The following ARHGAP5 variants were observed in gnomAD, a reference collection of about 807,000 sequenced individuals.
ARHGAP5 encodes Rho GTPase activating protein 5.
Under a neutral mutation model 116.6 loss-of-function variants are expected in ARHGAP5, and 23 were observed. That is an observed-to-expected ratio of 0.20 (90% CI 0.14 to 0.28). ARHGAP5 has a LOEUF of 0.28. ARHGAP5 is among the 10% of genes least tolerant of loss of function. The pLI is 1.00. For missense variants in ARHGAP5, 1,405 were observed against 1,774.8 expected (o/e 0.79, Z 3.74); for synonymous variants, 574 against 602.0 (o/e 0.95, Z 0.68).
intron 2 of ARHGAP5, among the ~76,000 whole-genome samples, chr14:32,110,608 G>A (rs1053272872): frequency 7.9e-5 from 12 of 152,114 alleles, no homozygotes; most frequent in African/African-American, 2.4e-4. Context: ...GTAAAGGAGC[G>A]GAGTCCAAGG....
At chr14:32,131,144 C>G (rs1880464214) in intron 3 of ARHGAP5, among the ~76,000 whole-genome samples, 1 of 151,888 alleles carries the variant, frequency 6.6e-6, no homozygotes, top group African/African-American at 2.4e-5. Context: ...AATATAATGT[C>G]TGTAATCAAA....
At chr14:32,098,322 T>C (rs1446563236) in intron 2 of ARHGAP5, among the ~76,000 whole-genome samples, 1 of 152,308 alleles carries the variant, frequency 6.6e-6, no homozygotes, top group Non-Finnish European at 1.5e-5. Context: ...CTCTCAAACA[T>C]GTTAGCCACA....
intron 3 of ARHGAP5, among the ~76,000 whole-genome samples, chr14:32,136,202 A>G (rs1388959182): frequency 1.3e-5 from 2 of 152,204 alleles, no homozygotes; most frequent in African/African-American, 4.8e-5. Flanking sequence ...TATATTCACA[A>G]TGTTGTGCAA....
chr14:32,101,873 C>T (rs953367499), intron 2 of ARHGAP5, among the ~76,000 whole-genome samples: 4 of 152,032 alleles, frequency 2.6e-5, no homozygotes, highest in African/African-American at 9.7e-5. Flanking sequence ...ATCCCAGCTA[C>T]TTGGGAGGCT....
chr14:32,116,904 T>C (rs983512095), intron 2 of ARHGAP5, among the ~76,000 whole-genome samples: 15 of 152,216 alleles, frequency 9.9e-5, no homozygotes, highest in African/African-American at 3.6e-4. Context: ...ATCAAGTCTG[T>C]TATTTTCCAA....
chr14:32,109,964 A>G (rs1048389631), intron 2 of ARHGAP5, among the ~76,000 whole-genome samples: 2 of 152,066 alleles, frequency 1.3e-5, no homozygotes, highest in Non-Finnish European at 2.9e-5. Flanking sequence ...TAGCTTACCA[A>G]GTTCAGCATG....
At chr14:32,116,482 A>G (rs1879600101) in intron 2 of ARHGAP5, among the ~76,000 whole-genome samples, 1 of 151,232 alleles carries the variant, frequency 6.6e-6, no homozygotes, top group Non-Finnish European at 1.5e-5. Context: ...AGTCCCAGCT[A>G]CTTGGGAGGC....
chr14:32,124,962 T>C (rs1050248435), intron 3 of ARHGAP5, among the ~76,000 whole-genome samples: 1 of 152,228 alleles, frequency 6.6e-6, no homozygotes, highest in African/African-American at 2.4e-5. Flanking sequence ...GAAGCATGAT[T>C]ATCAACATTT....
chr14:32,107,842 A>C (rs537789377), intron 2 of ARHGAP5, among the ~76,000 whole-genome samples: 4 of 152,216 alleles, frequency 2.6e-5, no homozygotes, highest in Admixed American at 1.3e-4. Context: ...AGTTATCAGG[A>C]TGTATAAAGG....
At chr14:32,116,605 TAAATA>T (rs776029117) in intron 2 of ARHGAP5, among the ~76,000 whole-genome samples, 7 of 151,152 alleles carry the variant, frequency 4.6e-5, no homozygotes, top group East Asian at 3.9e-4. Context: ...AATAAGTAAA[TAAATA>T]AAATAAAAAT....
intron 3 of ARHGAP5, among the ~76,000 whole-genome samples, chr14:32,136,938 A>G (rs1174981216): frequency 6.6e-6 from 1 of 151,164 alleles, no homozygotes; most frequent in Non-Finnish European, 1.5e-5. Context: ...AAATTGGGTT[A>G]TCTTTTGTTA....
At chr14:32,098,495 C>T (rs1489600781) in intron 2 of ARHGAP5, among the ~76,000 whole-genome samples, 1 of 152,142 alleles carries the variant, frequency 6.6e-6, no homozygotes, top group East Asian at 1.9e-4. Flanking sequence ...ATGCTGAATA[C>T]ATAGGATGTA....
In ARHGAP5 at chr14:32,091,337, T is replaced by A; in HGVS notation, c.668T>A (p.Leu223His). The change falls in exon 2 of 7, where the codon CTT (leucine) becomes CAT (histidine). Residue 223 changes from leucine to histidine, a missense_variant. Transcript: ENST00000345122. ...QAFASNKKNLLVVETSARFNV... is the reference protein window; with the variant it reads ...QAFASNKKNLHVVETSARFNV... ...TTTGCTTCAAATAAAAAGAACCTTCTTGTAGTGGAAACATCAGCACGATTT... is the reference window on the plus strand; with the variant it reads ...TTTGCTTCAAATAAAAAGAACCTTCATGTAGTGGAAACATCAGCACGATTT... The A allele has an allele frequency of 6.2e-7, 1 of 1,613,582 alleles. No individual in the cohort carries two copies. Among genetic ancestry groups the A allele is most frequent in the Non-Finnish European group, 8.5e-7 (1 of 1,179,670 alleles).
intron 1 of ARHGAP5, among the ~76,000 whole-genome samples, chr14:32,087,698 C>T (rs966977348): frequency 2.6e-5 from 4 of 151,912 alleles, no homozygotes; most frequent in Admixed American, 2.0e-4. Context: ...AGCAGGTGGT[C>T]TGCCTAACAG....
intron 5 of ARHGAP5, 75 bp downstream of exon 5, chr14:32,150,108 C>A: frequency 8.2e-7 from 1 of 1,223,576 alleles, no homozygotes; most frequent in South Asian, 1.8e-5. Context: ...GTGTTAAAAT[C>A]ATCATGTACT....
chr14:32,159,282 A>G lies in ARHGAP5; in HGVS notation c.*4334A>G, dbSNP rs1882017926. 6.6e-6 allele frequency: 1 copy of G among 152,156 alleles called. No individual in the cohort carries two copies. Among genetic ancestry groups the G allele is most frequent in the Non-Finnish European group, 1.5e-5 (1 of 67,990 alleles). 9.4% of individuals were successfully genotyped at this position (152,156 alleles called of 1,614,324 possible). ...GCTGTCAAATAATTGTAGTTGAGAA[A>G]CAACTTGTTTATTCTCACAATTCAG... is the stretch of plus-strand genomic sequence containing the variant. On this transcript the variant is annotated 3_prime_UTR_variant, in exon 7 of 7. Coordinates refer to ENST00000345122, the MANE Select transcript of ARHGAP5 (RefSeq NM_001030055.2).
At chr14:32,087,780 A>AT (rs2041844684) in intron 1 of ARHGAP5, among the ~76,000 whole-genome samples, 1 of 152,072 alleles carries the variant, frequency 6.6e-6, no homozygotes, top group Non-Finnish European at 1.5e-5. Flanking sequence ...TGTGGAAACC[A>AT]TAGAAGTCAT....
At chr14:32,131,481 G>A (rs2090731086) in intron 3 of ARHGAP5, among the ~76,000 whole-genome samples, 1 of 152,062 alleles carries the variant, frequency 6.6e-6, no homozygotes, top group African/African-American at 2.4e-5. Flanking sequence ...AACTGAAACT[G>A]TATTTTTATG....
At chr14:32,087,992 T>C (rs990137892) in intron 1 of ARHGAP5, among the ~76,000 whole-genome samples, 3 of 152,194 alleles carry the variant, frequency 2.0e-5, no homozygotes, top group East Asian at 3.9e-4. Flanking sequence ...CTTTTGTTTC[T>C]GAAACCTTAA....
Sources: gnomAD v4.1 joint callset for allele counts (sites outside exome capture counted in the v4.1 genomes callset) on GRCh38, gnomAD v4.1.1 for gene constraint, MANE v1.5 for transcripts, NCBI Gene and HGNC (gene_info 2026-07-23, HGNC 2026-07-21) for gene names.